Variants in RNF220 observed in about 807,000 individuals in gnomAD.
RNF220 encodes the protein E3 ubiquitin-protein ligase RNF220.
RNF220 carries 7 observed loss-of-function variants against 67.1 expected under a neutral mutation model. That is an observed-to-expected ratio of 0.10 (90% CI 0.06 to 0.20). RNF220 has a LOEUF of 0.20. RNF220 is among the 10% of genes least tolerant of loss of function. The pLI is 1.00. For synonymous variants in RNF220, 270 were observed against 283.2 expected (o/e 0.95, Z 0.47); for missense variants, 565 against 740.3 (o/e 0.76, Z 2.75).
At chr1:44,555,274 T>C (rs1662980761) in intron 2 of RNF220, among the ~76,000 whole-genome samples, 1 of 152,090 alleles carries the variant, frequency 6.6e-6, no homozygotes, top group African/African-American at 2.4e-5. Context: ...CACTTTGTTG[T>C]TCAGGAATGT....
rs534774253 is a variant in RNF220, at chr1:44,447,479, C to G, written c.625+34757C>G. Among the ~76,000 whole-genome samples the G allele has an allele frequency of 2.0e-5, 3 of 152,182 alleles. No individual in the cohort carries two copies. In the South Asian group the frequency reaches 6.2e-4, roughly 31 times the overall value. Reference sequence around the variant, plus strand: ...CATCTATGTTCTGGATTATTTAGCACCCTTCTAAATGGTCTTTTGCTTCCA... The same window carrying G: ...CATCTATGTTCTGGATTATTTAGCAGCCTTCTAAATGGTCTTTTGCTTCCA... On this transcript the variant is annotated intron_variant, in intron 2 of 14. Transcript: ENST00000361799.
intron 2 of RNF220, among the ~76,000 whole-genome samples, chr1:44,483,019 C>T (rs1420353254): frequency 3.6e-5 from 5 of 138,988 alleles, no homozygotes; most frequent in African/African-American, 1.3e-4. Flanking sequence ...CAGCCTCAAA[C>T]TCCGGGATTC....
At position 44,636,421 on chromosome 1, in the gene RNF220, T is replaced by A. The variant is rs902369515; in HGVS notation, c.1126+259T>A. On this transcript the variant is annotated intron_variant, in intron 8 of 14. Transcript: ENST00000361799. ...ACGAAGGGGGGCTCTCAGCTTCGGG[T>A]GATGCATTGAAGGTGACAGCCAAGC... 50 of 719,442 alleles carry A rather than the reference T, an allele frequency of 6.9e-5. 2 individuals are homozygous for A. Among genetic ancestry groups the A allele is most frequent in the Middle Eastern group, 2.3e-4 (1 of 4,400 alleles). The allele number at this position is 719,442 out of a possible 1,614,324, so 44.6% of individuals were successfully genotyped here.
At chr1:44,543,551 G>A (rs924455032) in intron 2 of RNF220, among the ~76,000 whole-genome samples, 1 of 151,984 alleles carries the variant, frequency 6.6e-6, no homozygotes, top group Non-Finnish European at 1.5e-5. Context: ...ATGAGAGAGA[G>A]AGAGGGAGGG....
intron 2 of RNF220, among the ~76,000 whole-genome samples, chr1:44,460,694 G>A (rs1335242295): frequency 6.6e-6 from 1 of 152,206 alleles, no homozygotes; most frequent in Non-Finnish European, 1.5e-5. Context: ...CAAGCGCCCA[G>A]TGTTTCCTCT....
At chr1:44,459,715 G>A (rs1424442799) in intron 2 of RNF220, among the ~76,000 whole-genome samples, 1 of 152,176 alleles carries the variant, frequency 6.6e-6, no homozygotes, top group Non-Finnish European at 1.5e-5. Flanking sequence ...GGTAGGTGGA[G>A]CGGAACTGCC....
chr1:44,630,674 G>A (rs1295376738), intron 5 of RNF220, among the ~76,000 whole-genome samples: 1 of 152,272 alleles, frequency 6.6e-6, no homozygotes, highest in African/African-American at 2.4e-5. Context: ...ACAAAACTAA[G>A]TCTTGCCAGA....
In RNF220 at chr1:44,649,688, G is replaced by C. The variant is rs112706024; in HGVS notation, c.1473G>C (p.Thr491=). ...EKITEDSAVT[T]FEALKARVRE... ...TCACCGAAGATTCAGCTGTGACCAC[G>C]TTTGAGGCTCTGAAGGCTCGGGTCA... The change falls in exon 13 of 15, where the codon ACG becomes ACC. Residue 491 remains threonine (T), a synonymous_variant. Transcript: ENST00000361799. This position sits in a 1 kb window ranked among gnomAD's most constrained non-coding sequence, Gnocchi z 5.9. 6.2e-7 allele frequency: 1 copy of C among 1,614,014 alleles called. No homozygotes were observed. Among genetic ancestry groups the C allele is most frequent in the Non-Finnish European group, 8.5e-7 (1 of 1,179,956 alleles).
intron 2 of RNF220, among the ~76,000 whole-genome samples, chr1:44,511,030 G>T (rs1339918199): frequency 6.6e-6 from 1 of 152,218 alleles, no homozygotes; most frequent in Non-Finnish European, 1.5e-5. Flanking sequence ...ATGACGGGGA[G>T]TGATGTTTGA....
chr1:44,552,573 T>C (rs1332218593), intron 2 of RNF220, among the ~76,000 whole-genome samples: 1 of 111,310 alleles, frequency 9.0e-6, no homozygotes, highest in African/African-American at 3.2e-5. Context: ...CTTCTTTTTT[T>C]TTTTTTTTTT....
intron 8 of RNF220, among the ~76,000 whole-genome samples, chr1:44,641,572 C>T (rs1057433781): frequency 5.9e-5 from 9 of 152,204 alleles, no homozygotes; most frequent in East Asian, 1.9e-4. Context: ...CCTCTCCAAG[C>T]GGGAGGGGGG....
intron 2 of RNF220, among the ~76,000 whole-genome samples, chr1:44,490,234 C>G (rs189752243): frequency 0.011 from 1,672 of 151,592 alleles, 10 homozygotes; most frequent in Non-Finnish European, 0.017. Context: ...TTTGGGAGGC[C>G]GAGGCAGGTG....
rs1644754943 is a variant in RNF220 at position 44,650,224 on chromosome 1, C to G, written c.1629+267C>G. The G allele has an allele frequency of 1.8e-6, 1 of 565,780 alleles. No homozygotes were observed. Among genetic ancestry groups the G allele is most frequent in the Admixed American group, 3.2e-5 (1 of 31,414 alleles). 35.0% of individuals were successfully genotyped at this position (565,780 alleles called of 1,614,324 possible). A position where few individuals can be genotyped will look rare whatever the true frequency, so the allele number is the denominator to read the frequency against. On this transcript the variant is annotated intron_variant, in intron 14 of 14. Transcript: ENST00000361799. This position sits in a 1 kb window ranked among gnomAD's most constrained non-coding sequence, Gnocchi z 4.3. ...GTCCCCGAAGGCCCACTGCATCACA[C>G]AGACTGGTGAGGCCTGGGGTCAGGA...
At chr1:44,472,178 T>C (rs1401793939) in intron 2 of RNF220, among the ~76,000 whole-genome samples, 2 of 152,190 alleles carry the variant, frequency 1.3e-5, no homozygotes, top group Non-Finnish European at 2.9e-5. Context: ...GCTGTGCACA[T>C]TGCTGTACAA....
intron 2 of RNF220, among the ~76,000 whole-genome samples, chr1:44,583,122 A>G (rs1665433281): frequency 6.6e-6 from 1 of 152,134 alleles, no homozygotes; most frequent in Admixed American, 6.5e-5. Context: ...ACGCTTGTCA[A>G]TCCCAGCCAG....
chr1:44,501,070 G>T, intron 2 of RNF220, among the ~76,000 whole-genome samples: 1 of 149,100 alleles, frequency 6.7e-6, no homozygotes, highest in Non-Finnish European at 1.5e-5. Context: ...GGGGGTGGGG[G>T]TATCGGGAGA....
chr1:44,511,834 T>C (rs12092739), intron 2 of RNF220, among the ~76,000 whole-genome samples: 3,854 of 152,140 alleles, frequency 0.025, 171 homozygotes, highest in African/African-American at 0.088. Context: ...GTTCATCCAG[T>C]CAGTTTGGAA....
At chr1:44,540,482 T>A (rs898564561) in intron 2 of RNF220, among the ~76,000 whole-genome samples, 1 of 152,134 alleles carries the variant, frequency 6.6e-6, no homozygotes, top group Non-Finnish European at 1.5e-5. Context: ...AAAACAAATA[T>A]TATCGCACGC....
At chr1:44,609,047 G>A (rs938144136) in intron 2 of RNF220, among the ~76,000 whole-genome samples, 1 of 152,188 alleles carries the variant, frequency 6.6e-6, no homozygotes, top group Non-Finnish European at 1.5e-5. Context: ...ATAACGTTAA[G>A]TGATTTGCCC....
Sources: allele counts gnomAD v4.1 joint callset (sites outside exome capture counted in the v4.1 genomes callset), GRCh38; gene constraint gnomAD v4.1.1; non-coding constraint Gnocchi (gnomAD v3.1); transcripts MANE v1.5; gene names NCBI Gene and HGNC (gene_info 2026-07-23, HGNC 2026-07-21).